The following ZNF639 variants were observed in gnomAD, a reference collection of about 807,000 sequenced individuals.
ZNF639 encodes zinc finger amplified in esophageal squamous cell carcinomas 1.
Under a neutral mutation model 39.8 loss-of-function variants are expected in ZNF639, and 20 were observed. That is an observed-to-expected ratio of 0.50 (90% CI 0.35 to 0.73). The LOEUF is 0.73. ZNF639 is among the 30% of genes least tolerant of loss of function. The pLI is 0.00. For synonymous variants in ZNF639, 176 were observed against 189.8 expected, an observed-to-expected ratio of 0.93 and a Z score of 0.60; for missense variants, 477 against 566.2, an observed-to-expected ratio of 0.84 and a Z score of 1.60.
intron 1 of ZNF639, among the ~76,000 whole-genome samples, chr3:179,326,977 G>T (rs956235549): frequency 1.3e-5 from 2 of 151,960 alleles, no homozygotes; most frequent in African/African-American, 2.4e-5. Flanking sequence ...ATCACCTGAG[G>T]TCAGGAGTTT....
chr3:179,323,262 C>G lies in ZNF639; in HGVS notation c.-112C>G. ...TCGGCCGCCGCCGCCTCTGCGTGGG[C>G]CGGCCGGGAGGGCCTCGGGGGACTG... is the stretch of plus-strand genomic sequence containing the variant. On this transcript the variant is annotated 5_prime_UTR_variant, in exon 1 of 6. Transcript: ENST00000496856. The G allele has an allele frequency of 1.0e-6, 1 of 985,246 alleles. No homozygotes were observed. The highest frequency in any genetic ancestry group is 1.2e-6 in the Non-Finnish European group (1 of 829,984). The allele number at this position is 985,246 out of a possible 1,614,324, so 61.0% of individuals were successfully genotyped here. A position where few individuals can be genotyped will look rare whatever the true frequency, so the allele number is the denominator to read the frequency against.
intron 4 of ZNF639, among the ~76,000 whole-genome samples, chr3:179,331,775 CAAAAAA>C (rs56708873): frequency 6.2e-5 from 5 of 80,584 alleles, no homozygotes; most frequent in African/African-American, 1.9e-4. Flanking sequence ...AACTCCATCT[CAAAAAA>C]AAAAAAAAAA....
At chr3:179,329,259 G>GT (rs1292859958) in intron 3 of ZNF639, among the ~76,000 whole-genome samples, 1 of 152,116 alleles carries the variant, frequency 6.6e-6, no homozygotes, top group Non-Finnish European at 1.5e-5. Context: ...TTTCCCCTAT[G>GT]TAACAACCTT....
At position 179,335,754 on chromosome 3, in the gene ZNF639, G is replaced by C. The variant is rs1344866100; in HGVS notation, c.*1332G>C. ...CACATGGTGTTCTCCCTGTGTGCAAGTCTGTCCCCCAAATTTCCTCTTTTT... is the reference window on the plus strand; with the variant it reads ...CACATGGTGTTCTCCCTGTGTGCAACTCTGTCCCCCAAATTTCCTCTTTTT... On this transcript the variant is annotated 3_prime_UTR_variant, in exon 6 of 6. Coordinates refer to ENST00000496856, the MANE Select transcript of ZNF639 (RefSeq NM_001303426.2). 1.4e-5 allele frequency: 2 copies of C among 148,104 alleles called. No individual in the cohort carries two copies. The allele number at this position is 148,104 out of a possible 1,614,324, so 9.2% of individuals were successfully genotyped here.
rs770072905 is a variant in ZNF639 at position 179,333,671 on chromosome 3, G to A, written c.707G>A (p.Arg236Gln). 3 of 1,613,998 alleles carry A rather than the reference G, an allele frequency of 1.9e-6. No homozygotes were observed. The highest frequency in any genetic ancestry group is 2.7e-5 in the African/African-American group (2 of 74,914). Residue 236 changes from arginine (R) to glutamine (Q), a missense_variant, in exon 6 of 6, where the codon CGA becomes CAA. Arg to Gln is a conservative substitution (Grantham distance 43). Coordinates refer to ENST00000496856, the MANE Select transcript of ZNF639 (RefSeq NM_001303426.2). ...KHKRTDSNVC[R>Q]VCKESFSTNM... ...AAACGTACTGATTCAAATGTGTGTC[G>A]AGTATGCAAGGAAAGTTTCTCTACC...
At chr3:179,326,560 C>G (rs1727603476) in intron 1 of ZNF639, among the ~76,000 whole-genome samples, 1 of 151,956 alleles carries the variant, frequency 6.6e-6, no homozygotes, top group African/African-American at 2.4e-5. Context: ...TGTTCACAGC[C>G]TGGTACATAA....
intron 1 of ZNF639, among the ~76,000 whole-genome samples, chr3:179,324,098 AT>A (rs1445913445): frequency 6.6e-6 from 1 of 152,220 alleles, no homozygotes; most frequent in Admixed American, 6.5e-5. Flanking sequence ...TTTAAAGCAT[AT>A]GCTTATTTTA....
Position 179,333,683 on chromosome 3 carries a change from A to T in ZNF639, c.719A>T (p.Glu240Val). ...TCAAATGTGTGTCGAGTATGCAAGG[A>T]AAGTTTCTCTACCAATATGCTTCTG... is the stretch of plus-strand genomic sequence containing the variant. ...TDSNVCRVCK[E>V]SFSTNMLLIE... Residue 240 changes from glutamate to valine, a missense_variant, in exon 6 of 6, where the codon GAA becomes GTA. Physicochemically the swap from Glu to Val is moderately radical, Grantham distance 121. Coordinates refer to ENST00000496856, the MANE Select transcript of ZNF639 (RefSeq NM_001303426.2). 6.2e-7 allele frequency: 1 copy of T among 1,614,194 alleles called. No individual in the cohort carries two copies. The highest frequency in any genetic ancestry group is 8.5e-7 in the Non-Finnish European group (1 of 1,180,038).
At chr3:179,324,856 T>A (rs562907318) in intron 1 of ZNF639, 14 of 152,368 alleles carry the variant, frequency 9.2e-5, no homozygotes, top group African/African-American at 2.9e-4. Context: ...TTCAGTGTTC[T>A]CCCTGATACT....
chr3:179,334,205 G>C lies in ZNF639; in HGVS notation c.1241G>C (p.Ser414Thr), dbSNP rs1728091334. The change falls in exon 6 of 6, where the codon AGT (serine) becomes ACT (threonine). Residue 414 changes from serine (S) to threonine (T), a missense_variant. Coordinates refer to ENST00000496856, the MANE Select transcript of ZNF639 (RefSeq NM_001303426.2). ...GATGACTGTGGGAAAGGCTTTTCAA[G>C]TATGCTAGAATATTGCAAGCATTTA... ...VCDDCGKGFS[S>T]MLEYCKHLNS... is the part of the protein sequence containing the mutation. The C allele has an allele frequency of 1.2e-6, 2 of 1,613,756 alleles. No homozygotes were observed. Among genetic ancestry groups the C allele is most frequent in the Admixed American group, 1.7e-5 (1 of 59,986 alleles).
intron 1 of ZNF639, among the ~76,000 whole-genome samples, chr3:179,323,530 G>C (rs1312953720): frequency 1.3e-5 from 2 of 152,160 alleles, no homozygotes; most frequent in Non-Finnish European, 1.5e-5. Context: ...TTGTCTTTAC[G>C]GAACCTTTGG....
At chr3:179,331,565 G>A (rs1208020386) in intron 4 of ZNF639, among the ~76,000 whole-genome samples, 1 of 152,020 alleles carries the variant, frequency 6.6e-6, no homozygotes, top group African/African-American at 2.4e-5. Context: ...GATCACCTGA[G>A]GTCAGGAGTT....
Position 179,329,587 on chromosome 3 carries a change from G to A in ZNF639, c.59-31G>A, listed in dbSNP as rs779304584. ...TTCTCATTAAATATGTATGTTTACT[G>A]TACTTGAAATATTTTTCATTTTATG... is the stretch of plus-strand genomic sequence containing the variant. On this transcript the variant is annotated intron_variant, in intron 3 of 5. Transcript: ENST00000496856. The A allele has an allele frequency of 2.3e-6, 3 of 1,290,864 alleles. No individual in the cohort carries two copies. The East Asian group carries it at 7.0e-5, about 30-fold the overall frequency. The allele number at this position is 1,290,864 out of a possible 1,614,324, so 80.0% of individuals were successfully genotyped here.
rs1711630636 is a variant in ZNF639 at position 179,338,320 on chromosome 3, CT to C, written c.*3900del. 6.6e-6 allele frequency: 1 copy of C among 152,146 alleles called. No individual in the cohort carries two copies. Among genetic ancestry groups the C allele is most frequent in the African/African-American group, 2.4e-5 (1 of 41,438 alleles). 9.4% of individuals were successfully genotyped at this position (152,146 alleles called of 1,614,324 possible). ...TTTTCTTGCTGTTTTAAATCTTCAT[CT>C]TACAATGAGTTATTTTGAAATTCCA... On this transcript the variant is annotated 3_prime_UTR_variant, in exon 6 of 6. Coordinates refer to ENST00000496856, the MANE Select transcript of ZNF639 (RefSeq NM_001303426.2).
In ZNF639 at chr3:179,338,158, C is replaced by A. The variant is rs1711623847; in HGVS notation, c.*3736C>A. ...TTGTTTTGTTTTTTGTTTTGTTTTA[C>A]TTCAGAGACAGACATTTTCACTGTA... is the stretch of plus-strand genomic sequence containing the variant. On this transcript the variant is annotated 3_prime_UTR_variant, in exon 6 of 6. Coordinates refer to ENST00000496856, the MANE Select transcript of ZNF639 (RefSeq NM_001303426.2). 1 of 146,904 alleles carries A rather than the reference C, an allele frequency of 6.8e-6. No homozygotes were observed. Among genetic ancestry groups the A allele is most frequent in the Non-Finnish European group, 1.5e-5 (1 of 65,988 alleles). The allele number at this position is 146,904 out of a possible 1,614,324, so 9.1% of individuals were successfully genotyped here.
At chr3:179,331,724 G>A (rs1215848527) in intron 4 of ZNF639, among the ~76,000 whole-genome samples, 1 of 143,528 alleles carries the variant, frequency 7.0e-6, no homozygotes, top group African/African-American at 2.6e-5. Flanking sequence ...GTGGTGAGCC[G>A]AGATCGCGCC....
intron 4 of ZNF639, chr3:179,329,931 G>C: frequency 5.9e-6 from 1 of 169,362 alleles, no homozygotes; most frequent in South Asian, 5.4e-5. Context: ...TTTTTTTTTT[G>C]AGATGGAGTC....
upstream of ZNF639, chr3:179,322,952 G>C: frequency 1.0e-6 from 1 of 985,122 alleles, no homozygotes; most frequent in Non-Finnish European, 1.2e-6. Context: ...CTCCCAGGCC[G>C]CGTGTGCGGT....
In ZNF639 at chr3:179,333,750, T is replaced by A; in HGVS notation, c.786T>A (p.Cys262Ter). The A allele has an allele frequency of 6.2e-7, 1 of 1,614,200 alleles. No individual in the cohort carries two copies. The highest frequency in any genetic ancestry group is 8.5e-7 in the Non-Finnish European group (1 of 1,180,034). Residue 262 changes from cysteine (C) to a stop codon, truncating the protein, a stop_gained, in exon 6 of 6, where the codon TGT becomes TGA. Transcript: ENST00000496856. LOFTEE classifies it high-confidence loss of function. ...TGCATGAAGAGGATCCCTACATTTG[T>A]AAATACTGTGATTATAAGACAGTAA... Reference protein sequence around the residue: ...AKLHEEDPYICKYCDYKTVIF... With the variant: ...AKLHEEDPYI
Sources: gnomAD v4.1 joint callset for allele counts (sites outside exome capture counted in the v4.1 genomes callset) on GRCh38, gnomAD v4.1.1 for gene constraint, MANE v1.5 for transcripts, NCBI Gene and HGNC (gene_info 2026-07-23, HGNC 2026-07-21) for gene names.